Variants in LHFPL3 observed in about 807,000 individuals in gnomAD.
LHFPL3 encodes the protein LHFPL tetraspan subfamily member 3 protein.
A neutral mutation model predicts 19.3 loss-of-function variants in LHFPL3; 5 were observed. The ratio of observed to expected loss-of-function variants is 0.26; its 90% confidence interval spans 0.14 to 0.54. LHFPL3 has a LOEUF of 0.54. LHFPL3 is among the 20% of genes least tolerant of loss of function. The probability of loss-of-function intolerance (pLI) is 0.94; values close to 1 mark genes in which losing one functional copy is unlikely to be tolerated. For missense variants in LHFPL3, 249 were observed against 307.4 expected (o/e 0.81, Z 1.42); for synonymous variants, 133 against 126.2 (o/e 1.05, Z -0.36).
intron 1 of LHFPL3, among the ~76,000 whole-genome samples, chr7:104,437,115 A>G (rs918361315): frequency 3.7e-4 from 56 of 152,364 alleles, no homozygotes; most frequent in African/African-American, 1.2e-3. Context: ...AGTTAAGCTA[A>G]TTTATAACAC....
intron 2 of LHFPL3, among the ~76,000 whole-genome samples, chr7:104,768,312 G>T (rs1794494770): frequency 6.6e-6 from 1 of 152,114 alleles, no homozygotes; most frequent in South Asian, 2.1e-4. Flanking sequence ...TCTTGCCTCA[G>T]TAAGAAAAAG....
rs4475417 is a variant in LHFPL3, at chr7:104,592,924, C to T, written c.446-143751C>T. On this transcript the variant is annotated intron_variant, in intron 1 of 2. Coordinates refer to ENST00000424859, the MANE Select transcript of LHFPL3 (RefSeq NM_199000.3). ...GAGCCAGTCACAGGTTATAATCTCC[C>T]GGTGTGCCATTTGCTAAGACCATTG... Among the ~76,000 whole-genome samples, 654 of 152,274 alleles carry T rather than the reference C, an allele frequency of 4.3e-3. 36 individuals carry two copies. In the East Asian group the frequency reaches 0.1, roughly 23 times the overall value.
At chr7:104,863,553 A>G (rs1791656702) in intron 2 of LHFPL3, among the ~76,000 whole-genome samples, 1 of 152,250 alleles carries the variant, frequency 6.6e-6, no homozygotes, top group African/African-American at 2.4e-5. Context: ...TGTAGGGTGC[A>G]GCTGAAAAGG....
intron 1 of LHFPL3, among the ~76,000 whole-genome samples, chr7:104,700,194 C>T (rs552954342): frequency 6.6e-5 from 10 of 152,204 alleles, no homozygotes; most frequent in Non-Finnish European, 1.3e-4. Context: ...CTCTCTTGGC[C>T]ATACCGCCAT....
At chr7:104,490,457 G>A (rs137978235) in intron 1 of LHFPL3, among the ~76,000 whole-genome samples, 6 of 152,092 alleles carry the variant, frequency 3.9e-5, no homozygotes, top group South Asian at 4.2e-4. Flanking sequence ...ACACCAAAGG[G>A]TACAGCAAAT....
At chr7:104,503,074 T>C (rs1208690250) in intron 1 of LHFPL3, among the ~76,000 whole-genome samples, 1 of 151,910 alleles carries the variant, frequency 6.6e-6, no homozygotes, top group Admixed American at 6.6e-5. Flanking sequence ...CTTGCAAATA[T>C]TTAATTATAC....
At chr7:104,629,331 G>A (rs930868924) in intron 1 of LHFPL3, among the ~76,000 whole-genome samples, 1 of 152,058 alleles carries the variant, frequency 6.6e-6, no homozygotes, top group Non-Finnish European at 1.5e-5. Flanking sequence ...ATACCTTCTG[G>A]AAAGTTGGCT....
At chr7:104,666,518 T>A (rs1792351133) in intron 1 of LHFPL3, among the ~76,000 whole-genome samples, 1 of 62,100 alleles carries the variant, frequency 1.6e-5, no homozygotes, top group East Asian at 3.9e-4. Context: ...CATTCTTTTT[T>A]TTTTTTTTTT....
intron 1 of LHFPL3, among the ~76,000 whole-genome samples, chr7:104,442,161 A>AT (rs1186210233): frequency 6.6e-6 from 1 of 150,678 alleles, no homozygotes; most frequent in Non-Finnish European, 1.5e-5. Context: ...GATGCTGAGC[A>AT]TTTTTTCACA....
intron 1 of LHFPL3, among the ~76,000 whole-genome samples, chr7:104,397,582 C>G (rs1318171773): frequency 5.3e-5 from 8 of 152,120 alleles, no homozygotes. Context: ...ACGGCACTTT[C>G]CTTTCCTCCT....
intron 1 of LHFPL3, among the ~76,000 whole-genome samples, chr7:104,422,594 G>T (rs904514784): frequency 6.6e-6 from 1 of 152,192 alleles, no homozygotes; most frequent in African/African-American, 2.4e-5. Flanking sequence ...GAGTTAAACT[G>T]CCTGGGCTTG....
chr7:104,802,289 G>A (rs1790267060), intron 2 of LHFPL3, among the ~76,000 whole-genome samples: 1 of 152,028 alleles, frequency 6.6e-6, no homozygotes, highest in Non-Finnish European at 1.5e-5. Flanking sequence ...GAGCTCAGAT[G>A]TTTGAGACCA....
chr7:104,511,899 G>A (rs1793820791), intron 1 of LHFPL3, among the ~76,000 whole-genome samples: 2 of 150,872 alleles, frequency 1.3e-5, no homozygotes, highest in African/African-American at 4.9e-5. Flanking sequence ...AGAAACTAGA[G>A]TGACTGGTTC....
At chr7:104,811,957 A>G (rs1584547918) in intron 2 of LHFPL3, among the ~76,000 whole-genome samples, 1 of 152,346 alleles carries the variant, frequency 6.6e-6, no homozygotes, top group East Asian at 1.9e-4. Context: ...AAGATTTAAA[A>G]TATTATTTGA....
Position 104,907,017 on chromosome 7 carries a change from A to G in LHFPL3, c.*802A>G, listed in dbSNP as rs1253758444. On this transcript the variant is annotated 3_prime_UTR_variant, in exon 3 of 3. Transcript: ENST00000424859. ...ACAGCATCAAGGAACTCTGAAAAATATAGAAAAAGTTCATTTTCACCTTGG... is the reference window on the plus strand; with the variant it reads ...ACAGCATCAAGGAACTCTGAAAAATGTAGAAAAAGTTCATTTTCACCTTGG... The G allele has an allele frequency of 5.9e-5, 9 of 152,638 alleles. No individual in the cohort carries two copies. Among genetic ancestry groups the G allele is most frequent in the African/African-American group, 1.9e-4 (8 of 41,456 alleles). The allele number at this position is 152,638 out of a possible 1,614,324, so 9.5% of individuals were successfully genotyped here. A position where few individuals can be genotyped will look rare whatever the true frequency, so the allele number is the denominator to read the frequency against.
At position 104,475,316 on chromosome 7, in the gene LHFPL3, C is replaced by T. The variant is rs1292663541; in HGVS notation, c.445+146092C>T. Among the ~76,000 whole-genome samples the T allele has an allele frequency of 5.3e-5, 8 of 151,892 alleles. 1 individual carries two copies. Among genetic ancestry groups the T allele is most frequent in the Non-Finnish European group, 1.2e-4 (8 of 67,968 alleles). On this transcript the variant is annotated intron_variant, in intron 1 of 2. Coordinates refer to ENST00000424859, the MANE Select transcript of LHFPL3 (RefSeq NM_199000.3). ...CTCTGAATATGTCTGGTTAACCATC[C>T]CTTATCCCTGTCTTGGTGGTTTTAA...
At chr7:104,736,597 C>T (rs1584505514) in intron 1 of LHFPL3, 78 bp from the exon 2 acceptor site, 1 of 860,848 alleles carries the variant, frequency 1.2e-6, no homozygotes, top group East Asian at 2.7e-5. Flanking sequence ...ATTCGACAGA[C>T]AGTGGAAACA....
chr7:104,820,819 C>T (rs1031479033), intron 2 of LHFPL3, among the ~76,000 whole-genome samples: 9 of 152,136 alleles, frequency 5.9e-5, no homozygotes, highest in Non-Finnish European at 1.3e-4. Context: ...AGGAGAGAAA[C>T]GCCTTCCATT....
At chr7:104,581,284 G>T (rs1390931450) in intron 1 of LHFPL3, among the ~76,000 whole-genome samples, 1 of 152,038 alleles carries the variant, frequency 6.6e-6, no homozygotes, top group East Asian at 1.9e-4. Flanking sequence ...ATGATGTTAA[G>T]CACTTTTTCA....
Sources: gnomAD v4.1 joint callset for allele counts (sites outside exome capture counted in the v4.1 genomes callset) on GRCh38, gnomAD v4.1.1 for gene constraint, MANE v1.5 for transcripts, NCBI Gene and HGNC (gene_info 2026-07-23, HGNC 2026-07-21) for gene names.